Variants in RAPGEF4 observed in about 807,000 individuals in gnomAD.
The protein encoded by RAPGEF4 is RAP guanine-nucleotide-exchange factor (GEF) 4.
Under a neutral mutation model 147.9 loss-of-function variants are expected in RAPGEF4, and 66 were observed. The ratio of observed to expected loss-of-function variants is 0.45; its 90% CI spans 0.37 to 0.55. The LOEUF is 0.55. RAPGEF4 is among the 20% of genes least tolerant of loss of function. The pLI is 0.00. For synonymous variants in RAPGEF4, 419 were observed against 442.7 expected (o/e 0.95, Z 0.67); for missense variants, 1,071 against 1,257.3 (o/e 0.85, Z 2.24).
At chr2:172,958,190 T>C (rs1688936024) in intron 6 of RAPGEF4, among the ~76,000 whole-genome samples, 1 of 152,154 alleles carries the variant, frequency 6.6e-6, no homozygotes, top group Admixed American at 6.5e-5. Flanking sequence ...ACAAATCCCA[T>C]ACCCATCTAC....
chr2:172,984,708 G>C (rs1692053452), intron 11 of RAPGEF4, among the ~76,000 whole-genome samples: 1 of 152,170 alleles, frequency 6.6e-6, no homozygotes, highest in African/African-American at 2.4e-5. Flanking sequence ...TAGTGATGTA[G>C]AGGGAAGTAA....
chr2:172,931,427 C>T (rs887819481), intron 6 of RAPGEF4, among the ~76,000 whole-genome samples: 3 of 152,136 alleles, frequency 2.0e-5, no homozygotes, highest in Non-Finnish European at 4.4e-5. Context: ...CTCTTGCTTC[C>T]TGTTGGCACT....
At chr2:172,888,401 G>T (rs984867150) in intron 4 of RAPGEF4, among the ~76,000 whole-genome samples, 4 of 152,218 alleles carry the variant, frequency 2.6e-5, no homozygotes, top group African/African-American at 4.8e-5. Context: ...AGGCTTTTCA[G>T]TGGGGATGAA....
intron 17 of RAPGEF4, among the ~76,000 whole-genome samples, chr2:173,004,210 C>A (rs1488195522): frequency 6.6e-6 from 1 of 152,130 alleles, no homozygotes; most frequent in Admixed American, 6.5e-5. Flanking sequence ...CTCTGCTGAA[C>A]ATTAATATAT....
At chr2:172,938,640 C>G (rs1255277665) in intron 6 of RAPGEF4, among the ~76,000 whole-genome samples, 1 of 152,182 alleles carries the variant, frequency 6.6e-6, no homozygotes, top group East Asian at 1.9e-4. Context: ...ATTATTTTGT[C>G]ACAGTATGCA....
At chr2:173,006,483 A>G (rs1694489712) in intron 17 of RAPGEF4, among the ~76,000 whole-genome samples, 1 of 152,200 alleles carries the variant, frequency 6.6e-6, no homozygotes, top group African/African-American at 2.4e-5. Context: ...TTGGCCTGGA[A>G]ATAATGAGTT....
intron 17 of RAPGEF4, among the ~76,000 whole-genome samples, chr2:173,008,785 T>TA (rs201713781): frequency 2.0e-5 from 3 of 151,940 alleles, no homozygotes; most frequent in Non-Finnish European, 4.4e-5. Flanking sequence ...AATGAGCAGT[T>TA]AAAAAAAAGT....
chr2:172,791,513 C>T (rs1473474980), intron 1 of RAPGEF4, among the ~76,000 whole-genome samples: 1 of 152,006 alleles, frequency 6.6e-6, no homozygotes. Context: ...TTCCAGAGAT[C>T]GAATAGTAAA....
At chr2:172,888,550 T>C (rs1697510398) in intron 4 of RAPGEF4, among the ~76,000 whole-genome samples, 2 of 152,246 alleles carry the variant, frequency 1.3e-5, no homozygotes, top group South Asian at 2.1e-4. Flanking sequence ...TAGCATTAGC[T>C]CTGTCTTTCA....
At chr2:172,866,854 G>C (rs902733405) in intron 4 of RAPGEF4, among the ~76,000 whole-genome samples, 1 of 151,712 alleles carries the variant, frequency 6.6e-6, no homozygotes, top group Non-Finnish European at 1.5e-5. Context: ...TACATTCTTC[G>C]ATAGTCTAGT....
intron 4 of RAPGEF4, among the ~76,000 whole-genome samples, chr2:172,857,907 A>AGG (rs1693623781): frequency 1.6e-4 from 1 of 6,260 alleles, no homozygotes; most frequent in African/African-American, 4.8e-4. Context: ...AAAAAAAAAA[A>AGG]AAAAAAAAAA....
At chr2:172,952,999 A>AG (rs903513785) in intron 6 of RAPGEF4, among the ~76,000 whole-genome samples, 16 of 151,892 alleles carry the variant, frequency 1.1e-4, no homozygotes, top group Non-Finnish European at 1.3e-4. Flanking sequence ...AACAGTTGAC[A>AG]GGGGGGGTCC....
intron 6 of RAPGEF4, among the ~76,000 whole-genome samples, chr2:172,954,075 TG>T (rs2105408808): frequency 6.6e-6 from 1 of 152,294 alleles, no homozygotes; most frequent in African/African-American, 2.4e-5. Flanking sequence ...GACCCTTTTT[TG>T]GCTCTTCATG....
intron 4 of RAPGEF4, among the ~76,000 whole-genome samples, chr2:172,827,811 G>T (rs573013235): frequency 6.6e-6 from 1 of 152,352 alleles, no homozygotes; most frequent in South Asian, 2.1e-4. Flanking sequence ...TGGTGATGAT[G>T]ATTGGATGCA....
At chr2:172,785,957 G>C (rs976734333) in intron 1 of RAPGEF4, among the ~76,000 whole-genome samples, 1 of 152,148 alleles carries the variant, frequency 6.6e-6, no homozygotes, top group African/African-American at 2.4e-5. Context: ...ACGGTAAAGG[G>C]TTTGCAAATA....
At chr2:172,999,801 C>A (rs1353217720) in intron 16 of RAPGEF4, among the ~76,000 whole-genome samples, 1 of 152,184 alleles carries the variant, frequency 6.6e-6, no homozygotes, top group Non-Finnish European at 1.5e-5. Context: ...TGTCACCAGT[C>A]ACCTTCAGTC....
chr2:173,006,079 C>T (rs547687413), intron 17 of RAPGEF4, among the ~76,000 whole-genome samples: 81 of 152,324 alleles, frequency 5.3e-4, no homozygotes, highest in African/African-American at 1.1e-3. Context: ...AGAGAGGCTT[C>T]CTGGGCTTTT....
intron 4 of RAPGEF4, among the ~76,000 whole-genome samples, chr2:172,856,252 A>T (rs952960832): frequency 6.6e-6 from 1 of 152,184 alleles, no homozygotes; most frequent in African/African-American, 2.4e-5. Flanking sequence ...GGGTCAATTC[A>T]GTGAATTTTT....
intron 6 of RAPGEF4, among the ~76,000 whole-genome samples, chr2:172,957,562 A>T (rs563802660): frequency 3.3e-5 from 5 of 152,352 alleles, no homozygotes; most frequent in Admixed American, 3.3e-4. Flanking sequence ...GCCTAACTGA[A>T]TACAGTGTCC....
Sources: gnomAD v4.1 joint callset for allele counts (sites outside exome capture counted in the v4.1 genomes callset) on GRCh38, gnomAD v4.1.1 for gene constraint, MANE v1.5 for transcripts, NCBI Gene and HGNC (gene_info 2026-07-23, HGNC 2026-07-21) for gene names.